Variants in TYW1B observed in about 807,000 individuals in gnomAD.
The protein encoded by TYW1B is tRNA-yW synthesizing protein 1 homolog B.
TYW1B carries 73 observed loss-of-function variants against 86.9 expected under a neutral mutation model. That is an observed-to-expected ratio of 0.84 (90% CI 0.70 to 1.02). The LOEUF is 1.02. TYW1B is among the 50% of genes least tolerant of loss of function. The pLI, the probability that TYW1B is intolerant of heterozygous loss-of-function variation, is 0.00. For missense variants in TYW1B, 637 were observed against 827.4 expected, an observed-to-expected ratio of 0.77 and a Z score of 2.82; for synonymous variants, 248 against 292.8, an observed-to-expected ratio of 0.85 and a Z score of 1.56.
chr7:72,759,537 A>G (rs941930241), intron 7 of TYW1B, among the ~76,000 whole-genome samples: 1 of 152,212 alleles, frequency 6.6e-6, no homozygotes, highest in Non-Finnish European at 1.5e-5. Flanking sequence ...TTTTCAATTG[A>G]TGGGCAAATT....
chr7:72,787,099 C>T (rs1373321269), intron 6 of TYW1B, among the ~76,000 whole-genome samples: 4 of 151,900 alleles, frequency 2.6e-5, no homozygotes, highest in African/African-American at 9.7e-5. Flanking sequence ...AGGTCTCAGA[C>T]CAGTGTTAAT....
Position 72,577,609 on chromosome 7 carries a change from C to T in TYW1B, c.1786-1890G>A, listed in dbSNP as rs113362263. On this transcript the variant is annotated intron_variant, in intron 13 of 13. Transcript: ENST00000620995. ...GATTCTCCCTGGGCAGCACTTCTGC[C>T]GCCGGTGGCGTGACTTGGTCACGCA... Among the ~76,000 whole-genome samples, 1,081 of 152,316 alleles carry T rather than the reference C, an allele frequency of 7.1e-3. 11 individuals are homozygous for T. The highest frequency in any genetic ancestry group is 0.024 in the African/African-American group (1,002 of 41,564).
chr7:72,646,365 A>G (rs1383614682), intron 11 of TYW1B, among the ~76,000 whole-genome samples: 1 of 151,642 alleles, frequency 6.6e-6, no homozygotes, highest in Admixed American at 6.6e-5. Context: ...CCTGGCCTAA[A>G]AAGTCTTTAT....
chr7:72,715,562 G>T lies in TYW1B; in HGVS notation c.1193-1764C>A, dbSNP rs563168054. ...CTAAGAACACATGAACACATAGAGG[G>T]GAATGACACACACTGGGGCCTATCA... On this transcript the variant is annotated intron_variant, in intron 9 of 13. Transcript: ENST00000620995. 1.6e-3 allele frequency among the ~76,000 whole-genome samples: 241 copies of T among 152,074 alleles called. 1 individual carries two copies. Among genetic ancestry groups the T allele is most frequent in the African/African-American group, 5.4e-3 (226 of 41,474 alleles).
chr7:72,819,513 G>A (rs1219153010), intron 2 of TYW1B, among the ~76,000 whole-genome samples: 1 of 152,152 alleles, frequency 6.6e-6, no homozygotes, highest in African/African-American at 2.4e-5. Flanking sequence ...GCTTACTGCA[G>A]CCTTGACCTC....
chr7:72,807,478 G>A (rs1434244568), intron 4 of TYW1B, 122 bp from the exon 5 acceptor site: 8 of 1,321,176 alleles, frequency 6.1e-6, no homozygotes, highest in African/African-American at 3.0e-5. Flanking sequence ...TAAGAAAGAG[G>A]AAATTGCTGG....
intron 3 of TYW1B, among the ~76,000 whole-genome samples, chr7:72,813,212 G>C (rs1433264661): frequency 8.3e-5 from 6 of 72,114 alleles, no homozygotes; most frequent in Non-Finnish European, 5.2e-5. Context: ...ATTTGCTTTT[G>C]TCGCCCAGGC....
intron 9 of TYW1B, among the ~76,000 whole-genome samples, chr7:72,720,423 A>T (rs1786873868): frequency 6.6e-6 from 1 of 152,172 alleles, no homozygotes; most frequent in South Asian, 2.1e-4. Context: ...AAAGCTACAA[A>T]TAAAAATATC....
chr7:72,593,106 C>G (rs558426934), intron 13 of TYW1B, among the ~76,000 whole-genome samples: 85 of 151,914 alleles, frequency 5.6e-4, no homozygotes, highest in African/African-American at 2.0e-3. Flanking sequence ...AGTTCAAGAC[C>G]AGCCTGACCA....
intron 11 of TYW1B, among the ~76,000 whole-genome samples, chr7:72,640,639 A>G (rs1249000840): frequency 6.6e-6 from 1 of 152,162 alleles, no homozygotes; most frequent in Non-Finnish European, 1.5e-5. Context: ...TAACTAGTAT[A>G]AACAATATAC....
chr7:72,775,684 A>G (rs1554470416), intron 7 of TYW1B, among the ~76,000 whole-genome samples: 1 of 152,042 alleles, frequency 6.6e-6, no homozygotes, highest in African/African-American at 2.4e-5. Context: ...GCACTATGAG[A>G]GATCTTCAAA....
At chr7:72,689,197 A>G (rs1814081137) in intron 11 of TYW1B, among the ~76,000 whole-genome samples, 1 of 152,190 alleles carries the variant, frequency 6.6e-6, no homozygotes, top group South Asian at 2.1e-4. Context: ...AAATAGGTCA[A>G]TAAGAAGGGA....
intron 11 of TYW1B, among the ~76,000 whole-genome samples, chr7:72,650,141 C>A (rs1455410385): frequency 6.7e-6 from 1 of 150,006 alleles, no homozygotes; most frequent in Non-Finnish European, 1.5e-5. Context: ...GTCTCGATCT[C>A]CTGAACTCGT....
chr7:72,615,735 T>C (rs1215279759), intron 13 of TYW1B, among the ~76,000 whole-genome samples: 2 of 152,008 alleles, frequency 1.3e-5, no homozygotes, highest in Non-Finnish European at 2.9e-5. Context: ...ATAGAAATTA[T>C]ACAAAATAGC....
At chr7:72,676,369 GATT>G (rs1489842947) in intron 11 of TYW1B, among the ~76,000 whole-genome samples, 14 of 152,312 alleles carry the variant, frequency 9.2e-5, no homozygotes, top group African/African-American at 3.1e-4. Flanking sequence ...TTAGAGCTAT[GATT>G]ATTAAATAAA....
chr7:72,635,084 C>T (rs1230305743), intron 11 of TYW1B, among the ~76,000 whole-genome samples: 5 of 152,038 alleles, frequency 3.3e-5, no homozygotes, highest in African/African-American at 1.2e-4. Flanking sequence ...AAGATAAGCT[C>T]TTACATTTTT....
chr7:72,663,529 C>A (rs371140967), intron 11 of TYW1B, among the ~76,000 whole-genome samples: 60 of 151,864 alleles, frequency 4.0e-4, no homozygotes, highest in East Asian at 2.3e-3. Flanking sequence ...GAGGCCGAAG[C>A]GGGCAGATCA....
At position 72,825,640 on chromosome 7, in the gene TYW1B, T is replaced by C. The variant is rs1348522973; in HGVS notation, c.135+1215A>G. The stretch of plus-strand genomic sequence containing the variant: ...TTGCAGTGAGCCGAGATCGTGCCAC[T>C]GCACTCCAGCCTGGGTGACAGAGTG... On this transcript the variant is annotated intron_variant, in intron 2 of 13. Transcript: ENST00000620995. Among the ~76,000 whole-genome samples the C allele has an allele frequency of 5.3e-5, 8 of 152,142 alleles. No individual in the cohort carries two copies. The South Asian group carries it at 1.0e-3, about 20-fold the overall frequency.
chr7:72,643,417 T>C (rs1554441701), intron 11 of TYW1B, among the ~76,000 whole-genome samples: 1 of 151,974 alleles, frequency 6.6e-6, no homozygotes, highest in African/African-American at 2.4e-5. Context: ...TGAAACCTCG[T>C]CTTTACTAAA....
Sources: allele counts gnomAD v4.1 joint callset (sites outside exome capture counted in the v4.1 genomes callset), GRCh38; gene constraint gnomAD v4.1.1; transcripts MANE v1.5; gene names NCBI Gene and HGNC (gene_info 2026-07-23, HGNC 2026-07-21).